The following PRKCA variants were observed in gnomAD, a reference collection of about 807,000 sequenced individuals.
PRKCA encodes protein kinase C alpha type.
In PRKCA, 27 loss-of-function variants were observed where a neutral mutation model predicts 87.0. That is an observed-to-expected ratio of 0.31 (90% CI 0.23 to 0.43). The LOEUF is 0.43. Ranked by LOEUF, PRKCA falls within the 20% of genes least tolerant of loss-of-function variation. The pLI, the probability that PRKCA is intolerant of heterozygous loss-of-function variation, is 1.00. For synonymous variants in PRKCA, 329 were observed against 311.1 expected (o/e 1.06, Z -0.61); for missense variants, 518 against 852.3 (o/e 0.61, Z 4.88).
rs1336790239 is a variant in PRKCA, at chr17:66,753,601, C to A, written c.1524+10841C>A. On this transcript the variant is annotated intron_variant, in intron 13 of 16. Coordinates refer to ENST00000413366, the MANE Select transcript of PRKCA (RefSeq NM_002737.3). ...AAATGTAAAGGACTGAATTGCATCC[C>A]CACGCCCCCACCCCACAAATCCGTG... 2.6e-5 allele frequency among the ~76,000 whole-genome samples: 4 copies of A among 152,106 alleles called. No individual in the cohort carries two copies. The East Asian group carries it at 7.7e-4, about 29-fold the overall frequency.
chr17:66,624,501 A>G (rs1375236858), intron 3 of PRKCA, among the ~76,000 whole-genome samples: 2 of 152,316 alleles, frequency 1.3e-5, no homozygotes, highest in South Asian at 2.1e-4. Flanking sequence ...TGGTGATTTA[A>G]ATTTAAATGA....
At chr17:66,535,708 A>G (rs985913187) in intron 3 of PRKCA, among the ~76,000 whole-genome samples, 4 of 152,066 alleles carry the variant, frequency 2.6e-5, no homozygotes, top group African/African-American at 4.8e-5. Flanking sequence ...GGATCTCCTC[A>G]CTACCTGGTC....
At chr17:66,460,133 C>T (rs1050983587) in intron 2 of PRKCA, among the ~76,000 whole-genome samples, 3 of 152,128 alleles carry the variant, frequency 2.0e-5, no homozygotes, top group East Asian at 1.9e-4. Context: ...GTAAGTCTAA[C>T]GGACTGGGCA....
At chr17:66,595,956 T>A (rs968017797) in intron 3 of PRKCA, among the ~76,000 whole-genome samples, 5 of 152,216 alleles carry the variant, frequency 3.3e-5, no homozygotes, top group Admixed American at 6.5e-5. Context: ...CAGGCCCATT[T>A]TTCGCAGTTG....
intron 2 of PRKCA, among the ~76,000 whole-genome samples, chr17:66,437,561 G>A (rs955959598): frequency 6.6e-6 from 1 of 151,956 alleles, no homozygotes; most frequent in East Asian, 1.9e-4. Context: ...CTGACAGATA[G>A]GGTGTCTTTT....
chr17:66,731,839 A>C (rs1285255233), intron 8 of PRKCA, among the ~76,000 whole-genome samples: 2 of 129,892 alleles, frequency 1.5e-5, no homozygotes, highest in Non-Finnish European at 3.1e-5. Flanking sequence ...GCTGGAGTGC[A>C]ATGGCGCGAT....
intron 8 of PRKCA, 146 bp from the exon 9 acceptor site, chr17:66,732,542 C>T: frequency 1.1e-6 from 1 of 948,010 alleles, no homozygotes; most frequent in Non-Finnish European, 1.7e-6. Context: ...GATATCTGAA[C>T]AGGTACTCAA....
chr17:66,773,836 G>T, intron 13 of PRKCA, 151 bp from the exon 14 acceptor site: 1 of 1,318,848 alleles, frequency 7.6e-7, no homozygotes, highest in Non-Finnish European at 1.0e-6. Context: ...GATTTGAAGG[G>T]TCCTCTTCCC....
intron 3 of PRKCA, among the ~76,000 whole-genome samples, chr17:66,542,504 CA>C (rs1238991857): frequency 1.3e-5 from 2 of 151,996 alleles, no homozygotes; most frequent in African/African-American, 4.8e-5. Flanking sequence ...GGAAATAGAG[CA>C]GTTATGAAGG....
chr17:66,777,958 TG>T, intron 14 of PRKCA: 1 of 985,262 alleles, frequency 1.0e-6, no homozygotes, highest in South Asian at 4.7e-5. Context: ...TGCTTTCTTC[TG>T]GCAGAGAAGT....
chr17:66,379,050 C>CAGTTGGT (rs1208752121), intron 2 of PRKCA, among the ~76,000 whole-genome samples: 7 of 152,096 alleles, frequency 4.6e-5, no homozygotes, highest in Non-Finnish European at 8.8e-5. Context: ...TTTTATTTAT[C>CAGTTGGT]AGTTGGTAGA....
At chr17:66,505,960 C>T (rs541418054) in intron 3 of PRKCA, among the ~76,000 whole-genome samples, 91 of 152,254 alleles carry the variant, frequency 6.0e-4, no homozygotes, top group Admixed American at 1.0e-3. Context: ...GGGAGACAGG[C>T]GTGAGCAGCT....
chr17:66,729,279 G>A (rs778972783), intron 8 of PRKCA, among the ~76,000 whole-genome samples: 33 of 152,080 alleles, frequency 2.2e-4, no homozygotes, highest in Non-Finnish European at 3.5e-4. Context: ...TGGTGTGCAC[G>A]TGTAATCCCA....
At chr17:66,670,659 G>C (rs1027864883) in intron 5 of PRKCA, among the ~76,000 whole-genome samples, 2 of 151,940 alleles carry the variant, frequency 1.3e-5, no homozygotes, top group African/African-American at 4.8e-5. Context: ...CCCAGGAATT[G>C]AAGATGGGCC....
chr17:66,669,870 C>T (rs1055812063), intron 5 of PRKCA, among the ~76,000 whole-genome samples: 3 of 152,132 alleles, frequency 2.0e-5, no homozygotes, highest in African/African-American at 7.2e-5. Context: ...CCACTGCACC[C>T]CAGCCTGGGT....
intron 3 of PRKCA, among the ~76,000 whole-genome samples, chr17:66,602,293 CT>C (rs1228445118): frequency 2.5e-5 from 3 of 122,424 alleles, no homozygotes; most frequent in African/African-American, 1.0e-4. Context: ...TTAAGCCGGT[CT>C]GAAAAGCGCA....
intron 16 of PRKCA, among the ~76,000 whole-genome samples, chr17:66,798,530 A>G (rs12939370): frequency 0.034 from 16 of 466 alleles, 2 homozygotes; most frequent in Admixed American, 0.1. Flanking sequence ...GGTGGTGGTG[A>G]TGGTGGTGAC....
chr17:66,718,031 G>A (rs987289262), intron 8 of PRKCA, among the ~76,000 whole-genome samples: 13 of 152,320 alleles, frequency 8.5e-5, no homozygotes, highest in African/African-American at 3.1e-4. Context: ...AGGAAGTGGG[G>A]TGGCTTGGGG....
chr17:66,754,121 C>T (rs1974494630), intron 13 of PRKCA, among the ~76,000 whole-genome samples: 2 of 151,926 alleles, frequency 1.3e-5, no homozygotes, highest in Admixed American at 1.3e-4. Context: ...ATGGCCTCAT[C>T]CTAGGTCAAT....
Sources: gnomAD v4.1 joint callset for allele counts (sites outside exome capture counted in the v4.1 genomes callset) on GRCh38, gnomAD v4.1.1 for gene constraint, MANE v1.5 for transcripts, NCBI Gene and HGNC (gene_info 2026-07-23, HGNC 2026-07-21) for gene names.